CTSA: variants seen among roughly 807,000 people sequenced by gnomAD.
CTSA encodes cathepsin A.
A neutral mutation model predicts 66.7 loss-of-function variants in CTSA; 42 were observed. The ratio of observed to expected loss-of-function variants is 0.63; its 90% CI spans 0.49 to 0.81. The LOEUF (loss-of-function observed/expected upper bound fraction) is 0.81. Among genes scored for constraint, CTSA ranks in the 40% least tolerant of loss-of-function variants. The pLI, the probability that CTSA is intolerant of heterozygous loss-of-function variation, is 0.00. For synonymous variants in CTSA, 225 were observed against 248.6 expected (o/e 0.91, Z 0.89); for missense variants, 525 against 610.9 (o/e 0.86, Z 1.48).
chr20:45,896,182 T>G (rs1222306238), intron 11 of CTSA, among the ~76,000 whole-genome samples: 3 of 151,538 alleles, frequency 2.0e-5, no homozygotes, highest in East Asian at 2.0e-4. Flanking sequence ...GCAACAAAAG[T>G]GAAACTCCAT....
At chr20:45,895,328 T>C in intron 11 of CTSA, 195 bp downstream of exon 11, 2 of 683,716 alleles carry the variant, frequency 2.9e-6, no homozygotes, top group Non-Finnish European at 4.8e-6. Flanking sequence ...AAATTTAAAA[T>C]TTTTTTGTTT....
chr20:45,894,941 CA>C, intron 10 of CTSA, 40 bp downstream of exon 10: 2 of 1,612,198 alleles, frequency 1.2e-6, no homozygotes, highest in Non-Finnish European at 1.7e-6. Context: ...GAGGTGGGGG[CA>C]GGGGGAGGGG....
intron 6 of CTSA, 93 bp from the exon 7 acceptor site, chr20:45,893,127 A>G: frequency 8.3e-7 from 1 of 1,201,972 alleles, no homozygotes; most frequent in African/African-American, 1.5e-5. Context: ...CCTGGGTTTC[A>G]GCTTCCGGAT....
chr20:45,894,517 C>T, intron 8 of CTSA, 133 bp from the exon 9 acceptor site: 3 of 821,348 alleles, frequency 3.7e-6, no homozygotes, highest in Admixed American at 3.8e-5. Flanking sequence ...GCCACTGAGC[C>T]TCAGTTTCCC....
intron 8 of CTSA, 176 bp downstream of exon 8, chr20:45,894,248 A>G (rs555927451): frequency 7.4e-6 from 5 of 679,420 alleles, no homozygotes; most frequent in East Asian, 5.4e-5. Flanking sequence ...ACCACCTCCT[A>G]TGGTGGCAAA....
Position 45,898,504 on chromosome 20 carries a change from C to G in CTSA, c.*54C>G. 1 of 1,531,650 alleles carries G rather than the reference C, an allele frequency of 6.5e-7. No homozygotes were observed. The highest frequency in any genetic ancestry group is 9.0e-7 in the Non-Finnish European group (1 of 1,109,210). 94.9% of individuals were successfully genotyped at this position (1,531,650 alleles called of 1,614,324 possible). A position where few individuals can be genotyped will look rare whatever the true frequency, so the allele number is the denominator to read the frequency against. On this transcript the variant is annotated 3_prime_UTR_variant, in exon 15 of 15. Transcript: ENST00000646241. The surrounding 1 kb of genome is among the most constrained non-coding windows in gnomAD (Gnocchi z 4.6). The stretch of plus-strand genomic sequence containing the variant: ...ATGCAGCCCCTCCCAGCCTCTCCCG[C>G]TAGGAGAGTCCTCTTCTAAGCAAAG...
chr20:45,894,214 T>C (rs1296862327), intron 8 of CTSA, 142 bp downstream of exon 8: 7 of 717,832 alleles, frequency 9.8e-6, no homozygotes, highest in South Asian at 2.9e-5. Context: ...CTCTGGGACA[T>C]GTGTCTAAGT....
At position 45,897,007 on chromosome 20, in the gene CTSA, G is replaced by C. The variant is rs778157184; in HGVS notation, c.1131G>C (p.Met377Ile). The C allele has an allele frequency of 6.2e-6, 10 of 1,614,084 alleles. No individual in the cohort carries two copies. Among genetic ancestry groups the C allele is most frequent in the Non-Finnish European group, 8.5e-6 (10 of 1,180,010 alleles). ...NLQYRRLYRS[M>I]NSQYLKLLSS... is the part of the protein sequence containing the mutation. ...AGTACCGCCGTCTCTACCGAAGCAT[G>C]AACTCCCAGTATCTGAAGCTGCTTA... The change falls in exon 12 of 15, where the codon ATG becomes ATC. Residue 377 changes from methionine to isoleucine, a missense_variant. This residue lies in a region of CTSA where 274 missense variants were observed against 321.1 expected (regional missense o/e 0.85). Coordinates refer to ENST00000646241, the MANE Select transcript of CTSA (RefSeq NM_000308.4).
chr20:45,892,728 G>A lies in CTSA; in HGVS notation c.448G>A (p.Ala150Thr), dbSNP rs779275701. The A allele has an allele frequency of 1.6e-5, 26 of 1,614,004 alleles. No individual in the cohort carries two copies. In the African/African-American group the frequency reaches 1.9e-4, roughly 12 times the overall value. ...KFYATNDTEV[A>T]QSNFEALQDF... is the part of the protein sequence containing the mutation. ...TGTCTTGCTCTGCCATCCCCAGGTCGCCCAGAGCAATTTTGAGGCCCTTCA... is the reference window on the plus strand; with the variant it reads ...TGTCTTGCTCTGCCATCCCCAGGTCACCCAGAGCAATTTTGAGGCCCTTCA... The change falls in exon 6 of 15, where the codon GCC (alanine) becomes ACC (threonine). Residue 150 changes from alanine to threonine, a missense_variant. Transcript: ENST00000646241.
In CTSA at chr20:45,892,330, C is replaced by T; in HGVS notation, c.357+7C>T. The T allele has an allele frequency of 6.2e-7, 1 of 1,614,136 alleles. No homozygotes were observed. ...CCCCTATTCTTGGAATCTGGTATAG[C>T]TGGAGCTGTGGGTGTGTCTGGGCAC... On this transcript the variant is annotated splice_region_variant and intron_variant, in intron 4 of 14. Transcript: ENST00000646241.
At chr20:45,894,932 A>G (rs1238739818) in intron 10 of CTSA, 31 bp downstream of exon 10, 3 of 1,613,782 alleles carry the variant, frequency 1.9e-6, no homozygotes, top group Middle Eastern at 1.6e-4. Flanking sequence ...CCTCCTGGTG[A>G]GGTGGGGGCA....
In CTSA at chr20:45,892,821, G is replaced by A. The variant is rs2145815978; in HGVS notation, c.541G>A (p.Gly181Ser). ...TTTCCTGACCGGGGAGAGCTATGCT[G>A]GCATCTACATCCCCACCCTGGCCGT... ...KLFLTGESYAGIYIPTLAVLV... is the reference protein window; with the variant it reads ...KLFLTGESYASIYIPTLAVLV... Residue 181 changes from glycine to serine, a missense_variant, in exon 6 of 15, where the codon GGC becomes AGC. Physicochemically the swap from Gly to Ser is moderately conservative, Grantham distance 56. Coordinates refer to ENST00000646241, the MANE Select transcript of CTSA (RefSeq NM_000308.4). 3 of 1,614,126 alleles carry A rather than the reference G, an allele frequency of 1.9e-6. No individual in the cohort carries two copies. Among genetic ancestry groups the A allele is most frequent in the South Asian group, 1.1e-5 (1 of 91,078 alleles).
chr20:45,895,180 G>T (rs1987185297), intron 11 of CTSA, 47 bp downstream of exon 11: 1 of 1,612,826 alleles, frequency 6.2e-7, no homozygotes, highest in Non-Finnish European at 8.5e-7. Context: ...GGTTGCTGGG[G>T]CTTGTGGGCA....
chr20:45,895,913 G>A lies in CTSA; in HGVS notation c.1088+780G>A, dbSNP rs947453379. Among the ~76,000 whole-genome samples, 42 of 152,216 alleles carry A rather than the reference G, an allele frequency of 2.8e-4. 1 individual carries two copies. The highest frequency in any genetic ancestry group is 2.2e-3 in the Admixed American group (34 of 15,288). On this transcript the variant is annotated intron_variant, in intron 11 of 14. Coordinates refer to ENST00000646241, the MANE Select transcript of CTSA (RefSeq NM_000308.4). ...ACATTGGTTAATAACTATTACTTCC[G>A]ACTGGGCGCAGTGGTTCACGCCTGT...
intron 8 of CTSA, chr20:45,894,424 A>G (rs1987129532): frequency 1.6e-6 from 1 of 623,204 alleles, no homozygotes; most frequent in Non-Finnish European, 2.9e-6. Flanking sequence ...ACTGAGGGCT[A>G]TGAATTTTGA....
rs1243252921 is a variant in CTSA, at chr20:45,898,311, G to C, written c.1360-56G>C. On this transcript the variant is annotated intron_variant, in intron 14 of 14. Coordinates refer to ENST00000646241, the MANE Select transcript of CTSA (RefSeq NM_000308.4). This position sits in a 1 kb window ranked among gnomAD's most constrained non-coding sequence, Gnocchi z 4.6. ...TGAAGGAATTGCCCCCGAGTGAGCA[G>C]TTATATGGGGAGGAGGGAATGGTGG... 1 of 1,481,612 alleles carries C rather than the reference G, an allele frequency of 6.7e-7. No homozygotes were observed. The highest frequency in any genetic ancestry group is 9.4e-7 in the Non-Finnish European group (1 of 1,066,896). The allele number at this position is 1,481,612 out of a possible 1,614,324, so 91.8% of individuals were successfully genotyped here. A position where few individuals can be genotyped will look rare whatever the true frequency, so the allele number is the denominator to read the frequency against.
chr20:45,897,688 C>A, intron 12 of CTSA, 29 bp from the exon 13 acceptor site: 1 of 1,380,644 alleles, frequency 7.2e-7, no homozygotes, highest in East Asian at 2.3e-5. Flanking sequence ...TTGTTCCACA[C>A]CCCTCATTTT....
intron 7 of CTSA, 34 bp from the exon 8 acceptor site, chr20:45,893,954 C>CG: frequency 1.5e-6 from 2 of 1,376,766 alleles, no homozygotes; most frequent in Non-Finnish European, 2.1e-6. Flanking sequence ...TTCCCACCAG[C>CG]AGCTGATGCG....
chr20:45,898,521 T>TAAGCAAAGTGCCCCTGCAGGCC lies in CTSA; in HGVS notation c.*72_*93dup. On this transcript the variant is annotated 3_prime_UTR_variant, in exon 15 of 15. Coordinates refer to ENST00000646241, the MANE Select transcript of CTSA (RefSeq NM_000308.4). The surrounding 1 kb of genome is among the most constrained non-coding windows in gnomAD (Gnocchi z 4.6). ...CTCTCCCGCTAGGAGAGTCCTCTTC[T>TAAGCAAAGTGCCCCTGCAGGCC]AAGCAAAGTGCCCCTGCAGGCCGGG... 6.9e-7 allele frequency: 1 copy of TAAGCAAAGTGCCCCTGCAGGCC among 1,454,012 alleles called. No homozygotes were observed. Among genetic ancestry groups the TAAGCAAAGTGCCCCTGCAGGCC allele is most frequent in the Non-Finnish European group, 9.6e-7 (1 of 1,045,312 alleles). The allele number at this position is 1,454,012 out of a possible 1,614,324, so 90.1% of individuals were successfully genotyped here. A position where few individuals can be genotyped will look rare whatever the true frequency, so the allele number is the denominator to read the frequency against.
Sources: allele counts gnomAD v4.1 joint callset (sites outside exome capture counted in the v4.1 genomes callset), GRCh38; gene constraint gnomAD v4.1.1; regional missense constraint gnomAD v4.1.1; non-coding constraint Gnocchi (gnomAD v3.1); transcripts MANE v1.5; gene names NCBI Gene and HGNC (gene_info 2026-07-23, HGNC 2026-07-21).